Variants in LCORL observed in about 807,000 individuals in gnomAD.
LCORL encodes ligand-dependent nuclear receptor corepressor-like protein.
Under a neutral mutation model 141.8 loss-of-function variants are expected in LCORL, and 41 were observed. The observed-to-expected ratio is 0.29, with a 90% CI of 0.23 to 0.38. LCORL has a LOEUF of 0.38. Among genes scored for constraint, LCORL ranks in the 10% least tolerant of loss-of-function variants. The probability of loss-of-function intolerance (pLI) is 1.00; values close to 1 mark genes in which losing one functional copy is unlikely to be tolerated. For missense variants in LCORL, 1,759 were observed against 2,035.0 expected (o/e 0.86, Z 2.61); for synonymous variants, 618 against 694.1 (o/e 0.89, Z 1.72).
At chr4:17,928,632 C>T (rs1735531635) in intron 4 of LCORL, among the ~76,000 whole-genome samples, 1 of 152,104 alleles carries the variant, frequency 6.6e-6, no homozygotes, top group Admixed American at 6.6e-5. Context: ...AAACATGGTA[C>T]TTAATGGTGA....
intron 1 of LCORL, among the ~76,000 whole-genome samples, chr4:17,988,336 C>T (rs1689088870): frequency 6.6e-6 from 1 of 152,254 alleles, no homozygotes; most frequent in East Asian, 1.9e-4. Flanking sequence ...AGTCCAGTGG[C>T]ACTATCATAG....
At chr4:17,846,280 G>A (rs1336546539) in intron 7 of LCORL, among the ~76,000 whole-genome samples, 1 of 152,166 alleles carries the variant, frequency 6.6e-6, no homozygotes, top group Non-Finnish European at 1.5e-5. Context: ...TTTGTTGAAT[G>A]CCTATTACGT....
In LCORL at chr4:17,855,731, C is replaced by T. The variant is rs554474630; in HGVS notation, c.5603-9830G>A. 5.3e-5 allele frequency among the ~76,000 whole-genome samples: 8 copies of T among 152,280 alleles called. No homozygotes were observed. The East Asian group carries it at 1.5e-3, about 29-fold the overall frequency. On this transcript the variant is annotated intron_variant, in intron 7 of 7. Coordinates refer to ENST00000635767, the Ensembl canonical transcript of LCORL. ...GGACACATGGAGCAGAGATAAATGT[C>T]CCACCTGTCAGTCAGCTAACACCAG...
At chr4:17,849,117 A>G (rs1349015046) in intron 7 of LCORL, among the ~76,000 whole-genome samples, 3 of 152,210 alleles carry the variant, frequency 2.0e-5, no homozygotes. Context: ...CAGACAAACA[A>G]AAAGACAGCA....
chr4:17,913,504 G>A (rs958883621), intron 4 of LCORL, among the ~76,000 whole-genome samples: 1 of 152,206 alleles, frequency 6.6e-6, no homozygotes, highest in African/African-American at 2.4e-5. Flanking sequence ...TATGGCAACA[G>A]TTTTTTGGAA....
intron 1 of LCORL, among the ~76,000 whole-genome samples, chr4:18,011,735 T>C (rs1723830563): frequency 6.6e-6 from 1 of 152,244 alleles, no homozygotes; most frequent in African/African-American, 2.4e-5. Context: ...TATTAATTTA[T>C]GTCTTTCTTT....
At chr4:17,883,229 G>A in intron 6 of LCORL, 1 of 983,716 alleles carries the variant, frequency 1.0e-6, no homozygotes. Flanking sequence ...TTAGTATGGA[G>A]ATAGCTATTT....
chr4:17,946,330 G>A (rs1254155386), intron 4 of LCORL, among the ~76,000 whole-genome samples: 1 of 151,848 alleles, frequency 6.6e-6, no homozygotes, highest in Non-Finnish European at 1.5e-5. Context: ...TTGTTAGACT[G>A]CTTTAGCCAT....
intron 1 of LCORL, among the ~76,000 whole-genome samples, chr4:18,015,049 A>G (rs1406488947): frequency 6.6e-6 from 1 of 152,242 alleles, no homozygotes; most frequent in Non-Finnish European, 1.5e-5. Context: ...GTAGGTTATT[A>G]CAATTGAAAG....
intron 5 of LCORL, among the ~76,000 whole-genome samples, chr4:17,898,687 T>C (rs1305811682): frequency 7.4e-5 from 11 of 149,340 alleles, no homozygotes; most frequent in African/African-American, 1.2e-4. Flanking sequence ...TTGCCTTCCA[T>C]TGTGTGGATA....
intron 7 of LCORL, among the ~76,000 whole-genome samples, chr4:17,851,492 G>A (rs2109101972): frequency 6.6e-6 from 1 of 152,166 alleles, no homozygotes; most frequent in East Asian, 1.9e-4. Context: ...TTTAAAATAT[G>A]TATTTTGGAT....
intron 5 of LCORL, among the ~76,000 whole-genome samples, chr4:17,903,511 T>C (rs1301679350): frequency 1.3e-5 from 2 of 152,050 alleles, no homozygotes; most frequent in East Asian, 3.8e-4. Flanking sequence ...AAATATATAC[T>C]TGACACACTA....
chr4:18,010,962 T>G (rs536266557), intron 1 of LCORL, among the ~76,000 whole-genome samples: 245 of 152,214 alleles, frequency 1.6e-3, no homozygotes, highest in African/African-American at 5.2e-3. Flanking sequence ...CCTTAGCTAG[T>G]AAAGTGAATT....
intron 4 of LCORL, among the ~76,000 whole-genome samples, chr4:17,916,458 G>A (rs1375540184): frequency 6.6e-6 from 1 of 151,986 alleles, no homozygotes; most frequent in Non-Finnish European, 1.5e-5. Context: ...GTGAGATCTG[G>A]TTGTTTAAAA....
rs185977687 is a variant in LCORL, at chr4:17,874,194, A to C, written c.4796T>G (p.Phe1599Cys). 948 of 1,233,946 alleles carry C rather than the reference A, an allele frequency of 7.7e-4. 6 individuals carry two copies. In the African/African-American group the frequency reaches 0.014, roughly 18 times the overall value. 76.4% of individuals were successfully genotyped at this position (1,233,946 alleles called of 1,614,324 possible). ...CCACCTTTCATGATGCAACCTCTTAAACTCAGTCCTTTTTAATCTAGCTAT... is the reference window on the plus strand; with the variant it reads ...CCACCTTTCATGATGCAACCTCTTACACTCAGTCCTTTTTAATCTAGCTAT... Residue 1599 changes from phenylalanine to cysteine, a missense_variant, in exon 7 of 8, where the codon TTT becomes TGT. By Grantham distance (205) the Phe-to-Cys change is radical (BLOSUM62 -2). Around this residue, in one of 5 missense-constraint regions of LCORL, gnomAD observed 313 missense variants for 336.1 expected, o/e 0.93. Coordinates refer to ENST00000635767, the Ensembl canonical transcript of LCORL.
exon 7 of LCORL, chr4:17,873,952 T>C: frequency 8.1e-7 from 1 of 1,234,114 alleles, no homozygotes; most frequent in East Asian, 3.2e-5. Flanking sequence ...GCATGTATTT[T>C]GAAGTCAGGC....
At chr4:17,949,501 A>AC (rs1402438117) in intron 4 of LCORL, among the ~76,000 whole-genome samples, 3 of 151,918 alleles carry the variant, frequency 2.0e-5, no homozygotes, top group Non-Finnish European at 4.4e-5. Flanking sequence ...TCTCCCAATA[A>AC]CCCCCTCTTC....
intron 1 of LCORL, among the ~76,000 whole-genome samples, chr4:17,999,335 T>C (rs1435509587): frequency 6.6e-6 from 1 of 151,454 alleles, no homozygotes; most frequent in Admixed American, 6.6e-5. Context: ...AGGTGTGTAG[T>C]CCCAGCTACT....
At chr4:18,019,741 T>C (rs1388683429) in intron 1 of LCORL, among the ~76,000 whole-genome samples, 2 of 152,120 alleles carry the variant, frequency 1.3e-5, no homozygotes, top group Non-Finnish European at 1.5e-5. Context: ...CTCAAATCAC[T>C]TTGTGCCTTG....
Sources: allele counts gnomAD v4.1 joint callset (sites outside exome capture counted in the v4.1 genomes callset), GRCh38; gene constraint gnomAD v4.1.1; regional missense constraint gnomAD v4.1.1; transcripts MANE v1.5; gene names NCBI Gene and HGNC (gene_info 2026-07-23, HGNC 2026-07-21).